Variants in HEATR1 observed in about 807,000 individuals in gnomAD.
HEATR1 encodes HEAT repeat-containing protein 1.
Under a neutral mutation model 248.2 loss-of-function variants are expected in HEATR1, and 77 were observed. That is an observed-to-expected ratio of 0.31 (90% CI 0.26 to 0.37). The LOEUF (loss-of-function observed/expected upper bound fraction) is 0.37. HEATR1 is among the 10% of genes least tolerant of loss of function. The pLI, the probability that HEATR1 is intolerant of heterozygous loss-of-function variation, is 1.00. For missense variants in HEATR1, 2,420 were observed against 2,504.9 expected (o/e 0.97, Z 0.72); for synonymous variants, 897 against 923.1 (o/e 0.97, Z 0.51).
intron 42 of HEATR1, 149 bp from the exon 43 acceptor site, chr1:236,553,888 T>C (rs1376566856): frequency 1.3e-5 from 10 of 752,204 alleles, no homozygotes; most frequent in Non-Finnish European, 1.9e-5. Context: ...CTAGGGCAAA[T>C]GTATTGCCTT....
At chr1:236,573,856 A>G (rs1232405741) in intron 24 of HEATR1, 1 of 159,088 alleles carries the variant, frequency 6.3e-6, no homozygotes, top group African/African-American at 2.4e-5. Context: ...ATTTAAATTA[A>G]GTAGAATAAT....
intron 9 of HEATR1, among the ~76,000 whole-genome samples, 155 bp downstream of exon 9, chr1:236,593,857 C>T (rs16834025): frequency 0.025 from 3,789 of 152,186 alleles, 54 homozygotes; most frequent in Middle Eastern, 0.054. Flanking sequence ...TTTAATGCTG[C>T]CAGTTACTGG....
At chr1:236,586,072 G>T in intron 15 of HEATR1, 131 bp from the exon 16 acceptor site, 1 of 1,317,002 alleles carries the variant, frequency 7.6e-7, no homozygotes. Flanking sequence ...ATCCGATTCT[G>T]AATTTGTCTA....
chr1:236,565,069 C>T (rs1306948866), intron 31 of HEATR1, among the ~76,000 whole-genome samples: 2 of 152,186 alleles, frequency 1.3e-5, no homozygotes, highest in Non-Finnish European at 2.9e-5. Context: ...CACTTCCTTA[C>T]CCACATCACC....
chr1:236,580,968 T>C (rs1253242), intron 20 of HEATR1, among the ~76,000 whole-genome samples: 109,203 of 151,014 alleles, frequency 0.72, 41,390 homozygotes, highest in Non-Finnish European at 0.85. Flanking sequence ...TACAGGCACA[T>C]GCCACCACGC....
At position 236,591,997 on chromosome 1, in the gene HEATR1, T is replaced by G; in HGVS notation, c.1418A>C (p.Tyr473Ser). 6.4e-7 allele frequency: 1 copy of G among 1,565,088 alleles called. No homozygotes were observed. Among genetic ancestry groups the G allele is most frequent in the East Asian group, 2.2e-5 (1 of 44,488 alleles). ...FVSLSTSGGK[Y>S]QFLADSDTSL... ...TTCCTTTGGAGAACAACATACCTGATACTTTCCTCCACTTGTAGAAAGAGA... is the reference window on the plus strand; with the variant it reads ...TTCCTTTGGAGAACAACATACCTGAGACTTTCCTCCACTTGTAGAAAGAGA... Residue 473 changes from tyrosine to serine, a missense_variant, in exon 11 of 45, where the codon TAT (tyrosine) becomes TCT (serine). Transcript: ENST00000366582.
chr1:236,574,006 T>G, intron 24 of HEATR1, 196 bp downstream of exon 24: 1 of 416,220 alleles, frequency 2.4e-6, no homozygotes, highest in Non-Finnish European at 4.2e-6. Context: ...CAACAAATAC[T>G]TCATAAAATA....
intron 29 of HEATR1, among the ~76,000 whole-genome samples, chr1:236,568,708 T>C (rs1328323251): frequency 6.6e-6 from 1 of 152,068 alleles, no homozygotes. Flanking sequence ...CCCACCCGAA[T>C]GATGTTAAGA....
chr1:236,556,146 A>G lies in HEATR1; in HGVS notation c.5468T>C (p.Leu1823Ser), dbSNP rs1294610250. 1 of 1,614,048 alleles carries G rather than the reference A, an allele frequency of 6.2e-7. No homozygotes were observed. Among genetic ancestry groups the G allele is most frequent in the African/African-American group, 1.3e-5 (1 of 74,924 alleles). The change falls in exon 38 of 45, where the codon TTG becomes TCG. Residue 1823 changes from leucine (L) to serine (S), a missense_variant. By Grantham distance (145) the Leu-to-Ser change is moderately radical. Coordinates refer to ENST00000366582, the MANE Select transcript of HEATR1 (RefSeq NM_018072.6). ...CTTGTAAGTTTTTTTGATGGCGGGC[A>G]ACAGGACTCGGGGTGCAAGTGTGGT... ...LATTLAPRVL[L>S]PAIKKTYKQI...
chr1:236,555,992 C>T (rs1662964536), intron 38 of HEATR1, 53 bp from the exon 39 acceptor site: 4 of 1,607,992 alleles, frequency 2.5e-6, no homozygotes, highest in Non-Finnish European at 3.4e-6. Context: ...TCCTAGAGTT[C>T]AGCGGTGTGT....
Position 236,597,648 on chromosome 1 carries a change from T to C in HEATR1, c.603+230A>G, listed in dbSNP as rs112155483. Among the ~76,000 whole-genome samples, 220 of 150,902 alleles carry C rather than the reference T, an allele frequency of 1.5e-3. 2 individuals are homozygous for C. The highest frequency in any genetic ancestry group is 4.9e-3 in the African/African-American group (203 of 41,052). On this transcript the variant is annotated intron_variant, in intron 5 of 44. Coordinates refer to ENST00000366582, the MANE Select transcript of HEATR1 (RefSeq NM_018072.6). ...ACTGTAACTAGAATCTGGCAAGGAA[T>C]AGACATTTATTTTTGTAGAAAAACA... is the stretch of plus-strand genomic sequence containing the variant.
chr1:236,571,585 C>T lies in HEATR1; in HGVS notation c.3809G>A (p.Gly1270Asp), dbSNP rs1339037781. 6.2e-7 allele frequency: 1 copy of T among 1,613,866 alleles called. No homozygotes were observed. The highest frequency in any genetic ancestry group is 1.1e-5 in the South Asian group (1 of 91,044). The change falls in exon 27 of 45, where the codon GGT (glycine) becomes GAT (aspartate). Residue 1270 changes from glycine to aspartate, a missense_variant. Physicochemically the swap from Gly to Asp is moderately conservative, Grantham distance 94 (BLOSUM62 -1). Transcript: ENST00000366582. ...GTACCTACCTTTGGGTATTTTGCCACCATCTGGAGATAGTTTTTGGCAGAT... is the reference window on the plus strand; with the variant it reads ...GTACCTACCTTTGGGTATTTTGCCATCATCTGGAGATAGTTTTTGGCAGAT... ...LNICQKLSPDGGKIPKDILDE... is the reference protein window; with the variant it reads ...LNICQKLSPDDGKIPKDILDE...
At chr1:236,580,511 G>A (rs1042765271) in intron 20 of HEATR1, among the ~76,000 whole-genome samples, 1 of 122,796 alleles carries the variant, frequency 8.1e-6, no homozygotes, top group Non-Finnish European at 1.7e-5. Flanking sequence ...ATGTATAGAT[G>A]TACAGCCCTT....
chr1:236,592,513 C>T lies in HEATR1; in HGVS notation c.1304+10G>A, dbSNP rs372290188. 1.3e-5 allele frequency: 14 copies of T among 1,079,174 alleles called. No individual in the cohort carries two copies. The highest frequency in any genetic ancestry group is 1.6e-5 in the Non-Finnish European group (11 of 700,450). 66.8% of individuals were successfully genotyped at this position (1,079,174 alleles called of 1,614,324 possible). A position where few individuals can be genotyped will look rare whatever the true frequency, so the allele number is the denominator to read the frequency against. ...CTTTAGAAGAGCATAAACATACACA[C>T]GTAACTTACTTGCTTTCTAAAAGCC... On this transcript the variant is annotated intron_variant, in intron 10 of 44. Coordinates refer to ENST00000366582, the MANE Select transcript of HEATR1 (RefSeq NM_018072.6).
intron 11 of HEATR1, 137 bp downstream of exon 11, chr1:236,591,856 C>T: frequency 3.8e-6 from 2 of 522,852 alleles, no homozygotes; most frequent in South Asian, 3.8e-5. Context: ...CTTCAGGCAA[C>T]TAGGCAAACT....
In HEATR1 at chr1:236,555,671, C is replaced by A. The variant is rs199842081; in HGVS notation, c.5650-16G>T. 302 of 1,612,482 alleles carry A rather than the reference C, an allele frequency of 1.9e-4. 1 individual carries two copies. Among genetic ancestry groups the A allele is most frequent in the Middle Eastern group, 6.6e-4 (4 of 6,062 alleles). On this transcript the variant is annotated splice_polypyrimidine_tract_variant and intron_variant, in intron 39 of 44. Transcript: ENST00000366582. ...CCAGATCGTTCTGAAAACAGAAGAG[C>A]CCATTTATTAGAGTGCTGATACCTG... is the stretch of plus-strand genomic sequence containing the variant.
chr1:236,573,536 AT>A (rs56276595), intron 24 of HEATR1, among the ~76,000 whole-genome samples: 85,850 of 150,720 alleles, frequency 0.57, 26,206 homozygotes, highest in Non-Finnish European at 0.69. Flanking sequence ...CCAAGGAATT[AT>A]TTTTTTTTTT....
intron 43 of HEATR1, 147 bp from the exon 44 acceptor site, chr1:236,552,254 T>C: frequency 1.9e-6 from 1 of 529,178 alleles, no homozygotes; most frequent in Non-Finnish European, 3.3e-6. Context: ...TAAGCTTTCA[T>C]CTTAGAATAC....
chr1:236,564,944 G>T (rs1663230893), intron 31 of HEATR1, among the ~76,000 whole-genome samples: 1 of 152,226 alleles, frequency 6.6e-6, no homozygotes, highest in Non-Finnish European at 1.5e-5. Context: ...CACGGAAGGA[G>T]TCTCTGAACT....
Sources: allele counts gnomAD v4.1 joint callset (sites outside exome capture counted in the v4.1 genomes callset), GRCh38; gene constraint gnomAD v4.1.1; transcripts MANE v1.5; gene names NCBI Gene and HGNC (gene_info 2026-07-23, HGNC 2026-07-21).